The following ARL6 variants were observed in gnomAD, a reference collection of about 807,000 sequenced individuals.
ARL6 encodes ADP-ribosylation factor-like protein 6.
In ARL6, 18 loss-of-function variants were observed where a neutral mutation model predicts 27.1. The observed-to-expected ratio is 0.66, with a 90% CI of 0.46 to 0.98. ARL6 has a LOEUF of 0.98. Among genes scored for constraint, ARL6 ranks in the 50% least tolerant of loss-of-function variants. ARL6 has a pLI of 0.00. For missense variants in ARL6, 187 were observed against 214.9 expected, an observed-to-expected ratio of 0.87 and a Z score of 0.81; for synonymous variants, 65 against 72.3, an observed-to-expected ratio of 0.90 and a Z score of 0.51.
intron 2 of ARL6, among the ~76,000 whole-genome samples, chr3:97,771,265 T>G (rs2036624652): frequency 6.6e-6 from 1 of 152,074 alleles, no homozygotes; most frequent in Non-Finnish European, 1.5e-5. Context: ...TTTATATTTT[T>G]TATAGCTATT....
intron 4 of ARL6, among the ~76,000 whole-genome samples, chr3:97,784,427 A>T (rs553812643): frequency 1.4e-3 from 209 of 151,828 alleles, no homozygotes; most frequent in Middle Eastern, 3.4e-3. Flanking sequence ...TGTATTTCTC[A>T]CTATGGTTTA....
chr3:97,798,063 G>A lies in ARL6; in HGVS notation c.*14G>A. 1 of 1,611,726 alleles carries A rather than the reference G, an allele frequency of 6.2e-7. No individual in the cohort carries two copies. On this transcript the variant is annotated 3_prime_UTR_variant, in exon 8 of 8. Transcript: ENST00000463745. Reference sequence around the variant, plus strand: ...GTGAAGACATGAAAAGATAATAGTTGGAAACCTCAGCAATTTTCAATTCAA... The same window carrying A: ...GTGAAGACATGAAAAGATAATAGTTAGAAACCTCAGCAATTTTCAATTCAA...
intron 1 of ARL6, among the ~76,000 whole-genome samples, chr3:97,767,088 A>T (rs569987576): frequency 6.6e-6 from 1 of 152,272 alleles, no homozygotes; most frequent in East Asian, 1.9e-4. Context: ...TTGACTTCCA[A>T]ATACTTCTAT....
Position 97,768,744 on chromosome 3 carries a change from T to C in ARL6, c.123+514T>C, listed in dbSNP as rs140710590. 9.9e-3 allele frequency among the ~76,000 whole-genome samples: 1,508 copies of C among 152,254 alleles called. 81 individuals carry two copies. The highest frequency in any genetic ancestry group is 0.089 in the Admixed American group (1,357 of 15,282). On this transcript the variant is annotated intron_variant, in intron 2 of 7. Coordinates refer to ENST00000463745, the MANE Select transcript of ARL6 (RefSeq NM_001278293.3). The stretch of plus-strand genomic sequence containing the variant: ...CTGCATATAAAGAAAGCCTATCTAA[T>C]AGGGCTTTCCTAATTTCTGGCACCA...
chr3:97,768,822 C>A (rs1488503080), intron 2 of ARL6, among the ~76,000 whole-genome samples: 3 of 151,960 alleles, frequency 2.0e-5, no homozygotes, highest in Non-Finnish European at 4.4e-5. Context: ...GAAAAACTGA[C>A]CTCCAGGTCC....
intron 6 of ARL6, among the ~76,000 whole-genome samples, chr3:97,790,747 C>G (rs1333639398): frequency 6.6e-6 from 1 of 151,746 alleles, no homozygotes; most frequent in Non-Finnish European, 1.5e-5. Context: ...TATAATAATT[C>G]TATGATAAGC....
intron 2 of ARL6, among the ~76,000 whole-genome samples, chr3:97,769,954 T>A (rs981200684): frequency 3.3e-5 from 5 of 152,140 alleles, no homozygotes; most frequent in African/African-American, 7.2e-5. Flanking sequence ...CAAAAGTGTA[T>A]TCCATATCTT....
At chr3:97,780,339 A>G in intron 3 of ARL6, 119 bp downstream of exon 3, 1 of 852,670 alleles carries the variant, frequency 1.2e-6, no homozygotes, top group Non-Finnish European at 1.9e-6. Context: ...TCTCATAGGT[A>G]TTAAAGTGTT....
Position 97,798,020 on chromosome 3 carries a change from T to C in ARL6, c.536-4T>C, listed in dbSNP as rs201939836. On this transcript the variant is annotated splice_region_variant and splice_polypyrimidine_tract_variant and intron_variant, in intron 7 of 7. Coordinates refer to ENST00000463745, the MANE Select transcript of ARL6 (RefSeq NM_001278293.3). ...GATAATTTTTGTTTGTTTTTTGTTA[T>C]CAGATCAGATCCAGACTGTGAAGAC... is the stretch of plus-strand genomic sequence containing the variant. 237 of 1,612,912 alleles carry C rather than the reference T, an allele frequency of 1.5e-4. No homozygotes were observed. The highest frequency in any genetic ancestry group is 2.0e-4 in the Non-Finnish European group (232 of 1,179,198).
chr3:97,781,052 A>C (rs1039377503), intron 4 of ARL6, among the ~76,000 whole-genome samples: 2 of 152,132 alleles, frequency 1.3e-5, no homozygotes, highest in East Asian at 3.9e-4. Flanking sequence ...GTCCATTTCT[A>C]TCTCTCTAAT....
intron 2 of ARL6, among the ~76,000 whole-genome samples, chr3:97,775,901 A>AT (rs2108012756): frequency 6.6e-6 from 1 of 152,302 alleles, no homozygotes; most frequent in Non-Finnish European, 1.5e-5. Context: ...GATAATGTAT[A>AT]TTCTGCAGCT....
intron 7 of ARL6, among the ~76,000 whole-genome samples, chr3:97,794,732 A>G (rs2108099159): frequency 6.6e-6 from 1 of 152,264 alleles, no homozygotes; most frequent in South Asian, 2.1e-4. Flanking sequence ...GGAATTTCCT[A>G]GTATGACAAA....
Position 97,799,847 on chromosome 3 carries a change from C to T in ARL6, c.*1798C>T, listed in dbSNP as rs1276079666. 6.6e-6 allele frequency: 1 copy of T among 152,038 alleles called. No individual in the cohort carries two copies. Among genetic ancestry groups the T allele is most frequent in the African/African-American group, 2.4e-5 (1 of 41,424 alleles). The allele number at this position is 152,038 out of a possible 1,614,324, so 9.4% of individuals were successfully genotyped here. On this transcript the variant is annotated 3_prime_UTR_variant, in exon 8 of 8. Transcript: ENST00000463745. ...CAGTACCAAGCAGTCTGTTTTAAGA[C>T]AGATGATTCAAGAGTATGATAGATA...
intron 4 of ARL6, among the ~76,000 whole-genome samples, chr3:97,782,837 AT>A (rs1279937355): frequency 2.2e-4 from 34 of 151,186 alleles, no homozygotes; most frequent in African/African-American, 7.7e-4. Context: ...AAAAAAAAAA[AT>A]CAAGGAAATT....
At chr3:97,774,507 A>G in intron 2 of ARL6, among the ~76,000 whole-genome samples, 1 of 151,332 alleles carries the variant, frequency 6.6e-6, no homozygotes. Flanking sequence ...TGGGTGGGGG[A>G]GGGGATGTTG....
intron 2 of ARL6, among the ~76,000 whole-genome samples, chr3:97,776,544 C>T (rs1158929576): frequency 2.0e-5 from 3 of 152,016 alleles, no homozygotes; most frequent in Non-Finnish European, 1.5e-5. Flanking sequence ...ATTACTTGTG[C>T]TAATCTTAGT....
rs773854429 is a variant in ARL6, at chr3:97,799,601, CACTT to C, written c.*1555_*1558del. 8 of 152,114 alleles carry C rather than the reference CACTT, an allele frequency of 5.3e-5. No homozygotes were observed. Among genetic ancestry groups the C allele is most frequent in the African/African-American group, 1.2e-4 (5 of 41,456 alleles). The allele number at this position is 152,114 out of a possible 1,614,324, so 9.4% of individuals were successfully genotyped here. ...TTGATTGAGAATTCAAATCCTCACT[CACTT>C]ACCATAAGGTAGTAATAAAATTAAT... On this transcript the variant is annotated 3_prime_UTR_variant, in exon 8 of 8. Transcript: ENST00000463745.
chr3:97,786,796 A>G (rs1576463185), intron 5 of ARL6, among the ~76,000 whole-genome samples: 2 of 152,328 alleles, frequency 1.3e-5, no homozygotes, highest in East Asian at 1.9e-4. Flanking sequence ...GGGAAAGGAC[A>G]TATCAGGTAA....
At chr3:97,773,515 T>C (rs1353698989) in intron 2 of ARL6, among the ~76,000 whole-genome samples, 1 of 152,232 alleles carries the variant, frequency 6.6e-6, no homozygotes, top group East Asian at 1.9e-4. Flanking sequence ...TCATACATAA[T>C]GTTCAAATAA....
Sources: allele counts gnomAD v4.1 joint callset (sites outside exome capture counted in the v4.1 genomes callset), GRCh38; gene constraint gnomAD v4.1.1; transcripts MANE v1.5; gene names NCBI Gene and HGNC (gene_info 2026-07-23, HGNC 2026-07-21).